WDR33: variants seen among roughly 807,000 people sequenced by gnomAD.
The protein encoded by WDR33 is pre-mRNA 3' end processing protein WDR33.
In WDR33, 47 loss-of-function variants were observed where a neutral mutation model predicts 164.9. The ratio of observed to expected loss-of-function variants is 0.29; its 90% CI spans 0.23 to 0.36. The LOEUF is 0.36. Ranked by LOEUF, WDR33 falls within the 10% of genes least tolerant of loss-of-function variation. The pLI is 1.00. For synonymous variants in WDR33, 505 were observed against 589.0 expected, an observed-to-expected ratio of 0.86 and a Z score of 2.06; for missense variants, 1,137 against 1,754.1, an observed-to-expected ratio of 0.65 and a Z score of 6.28.
At position 127,713,997 on chromosome 2, in the gene WDR33, T is replaced by C; in HGVS notation, c.2894A>G (p.His965Arg). The change falls in exon 18 of 22, where the codon CAT (histidine) becomes CGT (arginine). Residue 965 changes from histidine (H) to arginine (R), a missense_variant. Physicochemically the swap from His to Arg is conservative, Grantham distance 29 (BLOSUM62 0). Coordinates refer to ENST00000322313, the MANE Select transcript of WDR33 (RefSeq NM_018383.5). The surrounding 1 kb of genome is among the most constrained non-coding windows in gnomAD (Gnocchi z 6.2). ...CCTCTCTGACATCGGGCCCATGTGA[T>C]GGTTTGGAGGGCCGCGGGAGTCACC... ...NKGDSRGPPN[H>R]HMGPMSERRH... 6.5e-7 allele frequency: 1 copy of C among 1,530,400 alleles called. No homozygotes were observed. Among genetic ancestry groups the C allele is most frequent in the Non-Finnish European group, 8.7e-7 (1 of 1,143,608 alleles). 94.8% of individuals were successfully genotyped at this position (1,530,400 alleles called of 1,614,324 possible).
chr2:127,742,716 C>T (rs1687053367), intron 7 of WDR33, among the ~76,000 whole-genome samples: 1 of 150,060 alleles, frequency 6.7e-6, no homozygotes, highest in Non-Finnish European at 1.5e-5. Flanking sequence ...ACAGTCATCT[C>T]CTAAGAATTC....
intron 1 of WDR33, among the ~76,000 whole-genome samples, chr2:127,782,775 C>G (rs374317237): frequency 6.6e-6 from 1 of 152,036 alleles, no homozygotes. Flanking sequence ...TTTGGGAGGC[C>G]GAGGCAGGTG....
intron 1 of WDR33, among the ~76,000 whole-genome samples, chr2:127,799,682 C>A (rs1187897730): frequency 6.6e-6 from 1 of 152,184 alleles, no homozygotes; most frequent in African/African-American, 2.4e-5. Flanking sequence ...GTAATCCCAG[C>A]TACTCAGGAG....
Position 127,770,847 on chromosome 2 carries a change from T to C in WDR33, c.135A>G (p.Gly45=), listed in dbSNP as rs777726592. 13 of 1,614,068 alleles carry C rather than the reference T, an allele frequency of 8.1e-6. No individual in the cohort carries two copies. In the South Asian group the frequency reaches 9.9e-5, roughly 12 times the overall value. Residue 45 remains glycine (G), a synonymous_variant, in exon 2 of 22, where the codon GGA becomes GGG. Transcript: ENST00000322313. The surrounding 1 kb of genome is among the most constrained non-coding windows in gnomAD (Gnocchi z 4.9). ...QQAMQQLTFD[G]KRMRKAVNRK... ...GGTTCACAGCTTTTCTCATTCGTTT[T>C]CCATCAAAAGTAAGCTGTTGCATTG...
At chr2:127,766,141 ACATT>A (rs927761806) in intron 4 of WDR33, among the ~76,000 whole-genome samples, 1 of 152,172 alleles carries the variant, frequency 6.6e-6, no homozygotes, top group Non-Finnish European at 1.5e-5. Context: ...TTAATTTGAA[ACATT>A]CAAATTTTTT....
intron 7 of WDR33, among the ~76,000 whole-genome samples, chr2:127,752,596 CAAAAAAAAAAAAAA>C (rs34369142): frequency 2.6e-5 from 2 of 76,596 alleles, no homozygotes; most frequent in African/African-American, 4.7e-5. Context: ...GACTCCGTCT[CAAAAAAAAAAAAAA>C]AAAAAAAAAA....
intron 1 of WDR33, among the ~76,000 whole-genome samples, chr2:127,790,894 G>T (rs936840831): frequency 6.6e-6 from 1 of 152,040 alleles, no homozygotes; most frequent in African/African-American, 2.4e-5. Context: ...AAATTTAGGG[G>T]CATGGAATTG....
At position 127,704,265 on chromosome 2, in the gene WDR33, T is replaced by C. The variant is rs1685960950; in HGVS notation, c.*2058A>G. On this transcript the variant is annotated 3_prime_UTR_variant, in exon 22 of 22. Transcript: ENST00000322313. ...ATAATGTAGAGGTTTATTGTTTAAATGAATTCACTCTCAAAATGTGATCTG... is the reference window on the plus strand; with the variant it reads ...ATAATGTAGAGGTTTATTGTTTAAACGAATTCACTCTCAAAATGTGATCTG... 1 of 166,910 alleles carries C rather than the reference T, an allele frequency of 6.0e-6. No homozygotes were observed. Among genetic ancestry groups the C allele is most frequent in the African/African-American group, 2.4e-5 (1 of 41,378 alleles). 10.3% of individuals were successfully genotyped at this position (166,910 alleles called of 1,614,324 possible).
chr2:127,792,907 GAAAC>G (rs1039344562), intron 1 of WDR33, among the ~76,000 whole-genome samples: 5 of 152,026 alleles, frequency 3.3e-5, no homozygotes, highest in African/African-American at 1.2e-4. Flanking sequence ...GGGTTGTGAT[GAAAC>G]AAACAAAGCA....
At chr2:127,754,928 T>G (rs1687477397) in intron 7 of WDR33, among the ~76,000 whole-genome samples, 1 of 152,208 alleles carries the variant, frequency 6.6e-6, no homozygotes, top group Non-Finnish European at 1.5e-5. Flanking sequence ...TTTACTGTTC[T>G]TCATGATTTC....
chr2:127,723,929 T>G lies in WDR33; in HGVS notation c.1196+404A>C, dbSNP rs1320564063. Among the ~76,000 whole-genome samples, 2 of 151,844 alleles carry G rather than the reference T, an allele frequency of 1.3e-5. No homozygotes were observed. Among genetic ancestry groups the G allele is most frequent in the South Asian group, 4.2e-4 (2 of 4,808 alleles). On this transcript the variant is annotated intron_variant, in intron 11 of 21. Coordinates refer to ENST00000322313, the MANE Select transcript of WDR33 (RefSeq NM_018383.5). The surrounding 1 kb of genome is among the most constrained non-coding windows in gnomAD (Gnocchi z 5.9). ...CCATCTCTACAAAAAATGCAAAAATTAGCCAGGTGTGGTGGTGTGCTCCTA... is the reference window on the plus strand; with the variant it reads ...CCATCTCTACAAAAAATGCAAAAATGAGCCAGGTGTGGTGGTGTGCTCCTA...
In WDR33 at chr2:127,727,978, G is replaced by A. The variant is rs542528124; in HGVS notation, c.725-1201C>T. 4.6e-5 allele frequency among the ~76,000 whole-genome samples: 7 copies of A among 152,284 alleles called. No individual in the cohort carries two copies. The South Asian group carries it at 1.4e-3, about 32-fold the overall frequency. ...CAATTTGGGTCTCAAATGGACATAG[G>A]TTTATCCCAACACAATACCCCGTAC... On this transcript the variant is annotated intron_variant, in intron 7 of 21. Coordinates refer to ENST00000322313, the MANE Select transcript of WDR33 (RefSeq NM_018383.5).
At chr2:127,760,132 G>A (rs181442497) in intron 7 of WDR33, among the ~76,000 whole-genome samples, 5 of 152,330 alleles carry the variant, frequency 3.3e-5, no homozygotes, top group Admixed American at 3.3e-4. Flanking sequence ...AGGAATTCAT[G>A]TGAAGTAAGG....
chr2:127,751,061 C>A (rs1178255756), intron 7 of WDR33, among the ~76,000 whole-genome samples: 2 of 151,620 alleles, frequency 1.3e-5, no homozygotes, highest in Admixed American at 6.6e-5. Context: ...TAAAAATGTT[C>A]TAAAAAATCA....
At chr2:127,737,279 C>T (rs1166740142) in intron 7 of WDR33, 20 of 985,192 alleles carry the variant, frequency 2.0e-5, no homozygotes, top group Middle Eastern at 5.2e-4. Context: ...TTGTCTGAGA[C>T]GGGAGATACC....
chr2:127,704,886 G>C lies in WDR33; in HGVS notation c.*1437C>G, dbSNP rs976025187. On this transcript the variant is annotated 3_prime_UTR_variant, in exon 22 of 22. Coordinates refer to ENST00000322313, the MANE Select transcript of WDR33 (RefSeq NM_018383.5). ...GTGGACCGCTTGAGCCCAGGAGTTT[G>C]AAACCAGCATAGACAAAGTGGTGAA... 1.8e-5 allele frequency: 3 copies of C among 163,950 alleles called. No individual in the cohort carries two copies. The highest frequency in any genetic ancestry group is 7.2e-5 in the African/African-American group (3 of 41,430). The allele number at this position is 163,950 out of a possible 1,614,324, so 10.2% of individuals were successfully genotyped here.
At chr2:127,794,849 A>AAAAAG (rs1553481251) in intron 1 of WDR33, among the ~76,000 whole-genome samples, 70 of 142,696 alleles carry the variant, frequency 4.9e-4, no homozygotes, top group South Asian at 2.3e-3. Flanking sequence ...AAAAAAAAAA[A>AAAAAG]AAAGAAAGAA....
At position 127,709,176 on chromosome 2, in the gene WDR33, T is replaced by G. The variant is rs1686090483; in HGVS notation, c.3566-284A>C. On this transcript the variant is annotated intron_variant, in intron 20 of 21. Coordinates refer to ENST00000322313, the MANE Select transcript of WDR33 (RefSeq NM_018383.5). The surrounding 1 kb of genome is among the most constrained non-coding windows in gnomAD (Gnocchi z 5.0). ...AGATTTTGTTAATGAGAGTTGTAAC[T>G]GCGAATATTTACCATATTAGCAATT... 6.6e-6 allele frequency among the ~76,000 whole-genome samples: 1 copy of G among 152,228 alleles called. No individual in the cohort carries two copies. Among genetic ancestry groups the G allele is most frequent in the Non-Finnish European group, 1.5e-5 (1 of 68,030 alleles).
At chr2:127,756,154 TG>T (rs1309020379) in intron 7 of WDR33, among the ~76,000 whole-genome samples, 2 of 152,050 alleles carry the variant, frequency 1.3e-5, no homozygotes, top group African/African-American at 4.8e-5. Context: ...GCTGACATGG[TG>T]AAACGCTGTC....
Sources: allele counts gnomAD v4.1 joint callset (sites outside exome capture counted in the v4.1 genomes callset), GRCh38; gene constraint gnomAD v4.1.1; non-coding constraint Gnocchi (gnomAD v3.1); transcripts MANE v1.5; gene names NCBI Gene and HGNC (gene_info 2026-07-23, HGNC 2026-07-21).